Variants in USP25 observed in about 807,000 individuals in gnomAD.
USP25 encodes ubiquitin specific peptidase 25, also known as ubiquitin carboxyl-terminal hydrolase 25.
A neutral mutation model predicts 158.5 loss-of-function variants in USP25; 85 were observed. The observed-to-expected ratio is 0.54, with a 90% CI of 0.45 to 0.64. The LOEUF (loss-of-function observed/expected upper bound fraction) is 0.64, where lower values mean the gene tolerates loss of function less well. USP25 is among the 30% of genes least tolerant of loss of function. The pLI is 0.00. For missense variants in USP25, 1,242 were observed against 1,327.3 expected, an observed-to-expected ratio of 0.94 and a Z score of 1.00; for synonymous variants, 464 against 460.4, an observed-to-expected ratio of 1.01 and a Z score of -0.10.
chr21:15,783,965 G>A (rs941529726), intron 4 of USP25, among the ~76,000 whole-genome samples: 4 of 151,828 alleles, frequency 2.6e-5, no homozygotes, highest in Admixed American at 6.6e-5. Context: ...GCGAGACTCC[G>A]TCTCAAAAAA....
intron 20 of USP25, among the ~76,000 whole-genome samples, chr21:15,858,477 G>T (rs545536721): frequency 6.7e-6 from 1 of 150,244 alleles, no homozygotes; most frequent in Non-Finnish European, 1.5e-5. Context: ...TTTTAACCAG[G>T]TTATTGAAAG....
At chr21:15,783,009 A>G (rs940555673) in intron 4 of USP25, among the ~76,000 whole-genome samples, 1 of 152,218 alleles carries the variant, frequency 6.6e-6, no homozygotes, top group Non-Finnish European at 1.5e-5. Context: ...CGAAATTAAT[A>G]AATTCATTAG....
At chr21:15,813,657 G>A (rs960943520) in intron 9 of USP25, among the ~76,000 whole-genome samples, 3 of 151,894 alleles carry the variant, frequency 2.0e-5, no homozygotes, top group African/African-American at 7.3e-5. Flanking sequence ...CACATTGTCT[G>A]GTATCTCAAA....
Position 15,879,802 on chromosome 21 carries a change from T to C in USP25, c.*1327T>C, listed in dbSNP as rs1568925976. 1 of 152,610 alleles carries C rather than the reference T, an allele frequency of 6.6e-6. No individual in the cohort carries two copies. Among genetic ancestry groups the C allele is most frequent in the African/African-American group, 2.4e-5 (1 of 41,460 alleles). 9.5% of individuals were successfully genotyped at this position (152,610 alleles called of 1,614,324 possible). A position where few individuals can be genotyped will look rare whatever the true frequency, so the allele number is the denominator to read the frequency against. On this transcript the variant is annotated 3_prime_UTR_variant, in exon 26 of 26. Coordinates refer to ENST00000400183, the MANE Select transcript of USP25 (RefSeq NM_001283041.3). Reference sequence around the variant, plus strand: ...CTGGATGGAGGAGTAAGATGAAATATTATGCTATTATATGATGCTGTTTGT... The same window carrying C: ...CTGGATGGAGGAGTAAGATGAAATACTATGCTATTATATGATGCTGTTTGT...
At chr21:15,741,226 T>C (rs1280120827) in intron 1 of USP25, among the ~76,000 whole-genome samples, 3 of 152,136 alleles carry the variant, frequency 2.0e-5, no homozygotes, top group Non-Finnish European at 4.4e-5. Context: ...TGTTTCTTTT[T>C]ACTATGGAGT....
intron 17 of USP25, among the ~76,000 whole-genome samples, chr21:15,834,635 CT>C (rs1409162998): frequency 6.6e-6 from 1 of 152,166 alleles, no homozygotes; most frequent in Non-Finnish European, 1.5e-5. Flanking sequence ...AGTATTGTGA[CT>C]GTCGCAGGCA....
At chr21:15,810,593 T>G (rs2036608776) in intron 8 of USP25, among the ~76,000 whole-genome samples, 1 of 152,182 alleles carries the variant, frequency 6.6e-6, no homozygotes, top group Non-Finnish European at 1.5e-5. Flanking sequence ...AGTGTGAAAC[T>G]TCACAAAAGA....
intron 21 of USP25, among the ~76,000 whole-genome samples, chr21:15,865,457 C>G (rs1423994210): frequency 6.6e-6 from 1 of 152,118 alleles, no homozygotes; most frequent in Non-Finnish European, 1.5e-5. Context: ...GTGCATAATA[C>G]AAATAAATAG....
At chr21:15,870,816 T>G (rs184254288) in intron 23 of USP25, among the ~76,000 whole-genome samples, 228 of 152,298 alleles carry the variant, frequency 1.5e-3, no homozygotes, top group African/African-American at 5.2e-3. Flanking sequence ...TCTTTTTTGT[T>G]TTATGAAATT....
intron 9 of USP25, among the ~76,000 whole-genome samples, chr21:15,814,333 A>G (rs1396880202): frequency 2.6e-5 from 4 of 151,664 alleles, no homozygotes; most frequent in African/African-American, 7.3e-5. Flanking sequence ...GAATGGACTA[A>G]TACAGTAAAT....
At chr21:15,806,274 T>G (rs1474283891) in intron 7 of USP25, among the ~76,000 whole-genome samples, 2 of 152,152 alleles carry the variant, frequency 1.3e-5, no homozygotes, top group Admixed American at 6.5e-5. Context: ...TTCCTTCTGG[T>G]TCTAAATGTG....
chr21:15,870,276 G>A (rs1394934543), intron 23 of USP25, 129 bp downstream of exon 23: 6 of 609,576 alleles, frequency 9.8e-6, no homozygotes, highest in East Asian at 9.7e-5. Flanking sequence ...TTTTAGATCA[G>A]TTTTAAATTT....
At position 15,730,336 on chromosome 21, in the gene USP25, G is replaced by C. The variant is rs1407152828; in HGVS notation, c.-58G>C. The C allele has an allele frequency of 1.2e-5, 13 of 1,096,458 alleles. No homozygotes were observed. The highest frequency in any genetic ancestry group is 1.3e-5 in the Non-Finnish European group (12 of 903,046). The allele number at this position is 1,096,458 out of a possible 1,614,324, so 67.9% of individuals were successfully genotyped here. ...CGGCGGAGCGCGGCAGCCAGGGCCG[G>C]CGGAGGCGCGAGGAGCCGGGCGCCA... On this transcript the variant is annotated 5_prime_UTR_variant, in exon 1 of 26. Transcript: ENST00000400183.
chr21:15,737,501 C>T (rs1386541134), intron 1 of USP25, among the ~76,000 whole-genome samples: 2 of 152,074 alleles, frequency 1.3e-5, no homozygotes, highest in African/African-American at 2.4e-5. Context: ...TATCCCTTTA[C>T]TTTCATTTGA....
intron 20 of USP25, among the ~76,000 whole-genome samples, chr21:15,851,661 A>G (rs866198616): frequency 6.6e-6 from 1 of 151,930 alleles, no homozygotes. Flanking sequence ...CCTTAAACTT[A>G]GTTGTTTTGT....
At chr21:15,837,366 A>C (rs543472598) in intron 17 of USP25, among the ~76,000 whole-genome samples, 40 of 138,648 alleles carry the variant, frequency 2.9e-4, no homozygotes, top group African/African-American at 3.8e-4. Context: ...AACTTACCTG[A>C]ATACTGTTGT....
intron 22 of USP25, among the ~76,000 whole-genome samples, chr21:15,867,080 G>A (rs2039690179): frequency 6.6e-6 from 1 of 152,098 alleles, no homozygotes; most frequent in South Asian, 2.1e-4. Flanking sequence ...ATAGGTACTT[G>A]TACATGTGCT....
In USP25 at chr21:15,818,767, A is replaced by C; in HGVS notation, c.1001A>C (p.His334Pro). Residue 334 changes from histidine (H) to proline (P), a missense_variant, in exon 10 of 26, where the codon CAT becomes CCT. This residue lies in a region of USP25 where 627 missense variants were observed against 701.4 expected (regional missense o/e 0.89). Coordinates refer to ENST00000400183, the MANE Select transcript of USP25 (RefSeq NM_001283041.3). ...CAGGTCAATGGGTTCAAAGATCTGC[A>C]TGAGTGCCTAGAAGCTGCAATGATT... ...PLQVNGFKDL[H>P]ECLEAAMIEG... 6.2e-7 allele frequency: 1 copy of C among 1,613,930 alleles called. No individual in the cohort carries two copies. Among genetic ancestry groups the C allele is most frequent in the Non-Finnish European group, 8.5e-7 (1 of 1,179,836 alleles).
intron 4 of USP25, among the ~76,000 whole-genome samples, chr21:15,778,702 C>T (rs1046016006): frequency 1.3e-5 from 2 of 152,160 alleles, no homozygotes; most frequent in East Asian, 3.9e-4. Context: ...CTAAAAAATA[C>T]ATTTGGTTTT....
Sources: allele counts gnomAD v4.1 joint callset (sites outside exome capture counted in the v4.1 genomes callset), GRCh38; gene constraint gnomAD v4.1.1; regional missense constraint gnomAD v4.1.1; transcripts MANE v1.5; gene names NCBI Gene and HGNC (gene_info 2026-07-23, HGNC 2026-07-21).